Variants in PKD2 observed in about 807,000 individuals in gnomAD.
PKD2 encodes polycystin-2.
In PKD2, 48 loss-of-function variants were observed where a neutral mutation model predicts 105.9. The observed-to-expected ratio is 0.45, with a 90% CI of 0.36 to 0.58. PKD2 has a LOEUF of 0.58. Ranked by LOEUF, PKD2 falls within the 20% of genes least tolerant of loss-of-function variation. The pLI, the probability that PKD2 is intolerant of heterozygous loss-of-function variation, is 0.00. For missense variants in PKD2, 1,078 were observed against 1,255.3 expected (o/e 0.86, Z 2.13); for synonymous variants, 464 against 481.1 (o/e 0.96, Z 0.46).
intron 10 of PKD2, among the ~76,000 whole-genome samples, chr4:88,064,063 G>A (rs371965245): frequency 6.6e-6 from 1 of 152,202 alleles, no homozygotes; most frequent in Admixed American, 6.5e-5. Flanking sequence ...GCTGAGGCAC[G>A]AGAATTGCTT....
intron 2 of PKD2, among the ~76,000 whole-genome samples, chr4:88,025,775 T>C (rs1726938581): frequency 1.3e-5 from 2 of 152,156 alleles, no homozygotes; most frequent in Admixed American, 6.5e-5. Flanking sequence ...ATGGGGATGG[T>C]TTCCCCTCTG....
intron 1 of PKD2, among the ~76,000 whole-genome samples, chr4:88,016,040 T>G (rs1328130136): frequency 6.6e-6 from 1 of 152,186 alleles, no homozygotes; most frequent in Non-Finnish European, 1.5e-5. Flanking sequence ...GCAGGCAATC[T>G]AGATTCTTCA....
chr4:88,008,299 G>C lies in PKD2; in HGVS notation c.566G>C (p.Trp189Ser), dbSNP rs1403371346. 4 of 1,511,794 alleles carry C rather than the reference G, an allele frequency of 2.6e-6. No individual in the cohort carries two copies. The highest frequency in any genetic ancestry group is 3.5e-6 in the Non-Finnish European group (4 of 1,136,462). 93.6% of individuals were successfully genotyped at this position (1,511,794 alleles called of 1,614,324 possible). Reference sequence around the variant, plus strand: ...GAAGGGCAGCCGCCCCGAGTGGCCTGGGCGGAGAGGCTGGTTCGCGGGCTG... The same window carrying C: ...GAAGGGCAGCCGCCCCGAGTGGCCTCGGCGGAGAGGCTGGTTCGCGGGCTG... ...PLEGQPPRVAWAERLVRGLRG... is the reference protein window; with the variant it reads ...PLEGQPPRVASAERLVRGLRG... The change falls in exon 1 of 15, where the codon TGG (tryptophan) becomes TCG (serine). Residue 189 changes from tryptophan (W) to serine (S), a missense_variant. Trp to Ser is a radical substitution (Grantham distance 177, BLOSUM62 -3). This residue lies in a region of PKD2 where 868 missense variants were observed against 1,067.3 expected (regional missense o/e 0.81). Transcript: ENST00000237596.
chr4:88,017,862 T>TAAC (rs1726613407), intron 1 of PKD2, among the ~76,000 whole-genome samples: 1 of 152,194 alleles, frequency 6.6e-6, no homozygotes, highest in Admixed American at 6.5e-5. Flanking sequence ...TGAGACAGGG[T>TAAC]AACAGTCTTC....
At chr4:88,033,491 T>C (rs1048153295) in intron 2 of PKD2, among the ~76,000 whole-genome samples, 13 of 152,014 alleles carry the variant, frequency 8.6e-5, no homozygotes, top group Admixed American at 7.9e-4. Context: ...TTTACCTGTC[T>C]GTCCAGCAGA....
chr4:88,050,877 C>G (rs1447828207), intron 6 of PKD2, among the ~76,000 whole-genome samples: 1 of 152,158 alleles, frequency 6.6e-6, no homozygotes, highest in Admixed American at 6.5e-5. Context: ...AGCAACCAAG[C>G]TGGTCTTTGC....
At chr4:88,065,623 C>G in intron 11 of PKD2, 128 bp downstream of exon 11, 1 of 1,162,338 alleles carries the variant, frequency 8.6e-7, no homozygotes, top group Non-Finnish European at 1.3e-6. Context: ...AGGCAGGTAT[C>G]TTTCTGGAAC....
At chr4:88,047,510 A>G (rs1179924985) in intron 6 of PKD2, among the ~76,000 whole-genome samples, 1 of 152,226 alleles carries the variant, frequency 6.6e-6, no homozygotes, top group Non-Finnish European at 1.5e-5. Context: ...GCAGTGAGCT[A>G]TAAATGCACC....
chr4:88,023,112 A>AAAAT (rs964551222), intron 2 of PKD2, among the ~76,000 whole-genome samples: 3 of 152,044 alleles, frequency 2.0e-5, no homozygotes, highest in Non-Finnish European at 2.9e-5. Flanking sequence ...ATAAATAAAT[A>AAAAT]AAATAAATAA....
At chr4:88,055,377 C>T (rs988294677) in intron 7 of PKD2, among the ~76,000 whole-genome samples, 1 of 151,868 alleles carries the variant, frequency 6.6e-6, no homozygotes, top group Non-Finnish European at 1.5e-5. Context: ...TACTTTAATC[C>T]TTTTTGGGGG....
chr4:88,043,217 T>C lies in PKD2; in HGVS notation c.1095-16T>C. 1 of 1,507,028 alleles carries C rather than the reference T, an allele frequency of 6.6e-7. No homozygotes were observed. Among genetic ancestry groups the C allele is most frequent in the Middle Eastern group, 1.7e-4 (1 of 5,814 alleles). 93.4% of individuals were successfully genotyped at this position (1,507,028 alleles called of 1,614,324 possible). A position where few individuals can be genotyped will look rare whatever the true frequency, so the allele number is the denominator to read the frequency against. On this transcript the variant is annotated splice_polypyrimidine_tract_variant and intron_variant, in intron 4 of 14. Coordinates refer to ENST00000237596, the MANE Select transcript of PKD2 (RefSeq NM_000297.4). Reference sequence around the variant, plus strand: ...CTGATTGTAACTGTTTGTTTTTTGGTTTTGTTTTTAATCAGTTGGATCTAC... The same window carrying C: ...CTGATTGTAACTGTTTGTTTTTTGGCTTTGTTTTTAATCAGTTGGATCTAC...
At position 88,038,368 on chromosome 4, in the gene PKD2, A is replaced by G. The variant is rs778569884; in HGVS notation, c.961A>G (p.Ile321Val). 5.1e-5 allele frequency: 82 copies of G among 1,614,014 alleles called. No homozygotes were observed. The highest frequency in any genetic ancestry group is 6.6e-5 in the Non-Finnish European group (78 of 1,180,004). ...YENLLLGVPR[I>V]RQLRVRNGSC... The stretch of plus-strand genomic sequence containing the variant: ...GAACCTGCTGTTAGGGGTTCCACGA[A>G]TACGGCAACTCCGAGTCAGAAATGG... The change falls in exon 4 of 15, where the codon ATA becomes GTA. Residue 321 changes from isoleucine to valine, a missense_variant. By Grantham distance (29) the Ile-to-Val change is conservative. Coordinates refer to ENST00000237596, the MANE Select transcript of PKD2 (RefSeq NM_000297.4).
chr4:88,058,036 A>C lies in PKD2; in HGVS notation c.1952A>C (p.Glu651Ala). 6.4e-7 allele frequency: 1 copy of C among 1,568,066 alleles called. No homozygotes were observed. The highest frequency in any genetic ancestry group is 2.2e-5 in the East Asian group (1 of 44,594). The change falls in exon 9 of 15, where the codon GAA becomes GCA. Residue 651 changes from glutamate to alanine, a missense_variant. Glu to Ala is a moderately radical substitution (Grantham distance 107, BLOSUM62 -1). Transcript: ENST00000237596. ...LGDINFAEIE[E>A]ANRVLGPIYF... ...GATATCAACTTTGCAGAGATTGAGG[A>C]AGCTAATCGAGTTTTGGGACCAATT...
chr4:88,057,471 C>T (rs1286090658), intron 8 of PKD2, among the ~76,000 whole-genome samples: 4 of 147,334 alleles, frequency 2.7e-5, no homozygotes, highest in Non-Finnish European at 6.0e-5. Flanking sequence ...AGTCTCGTTC[C>T]ATCGCCCAAG....
At chr4:88,041,938 C>T (rs1269370433) in intron 4 of PKD2, among the ~76,000 whole-genome samples, 2 of 152,194 alleles carry the variant, frequency 1.3e-5, no homozygotes, top group East Asian at 1.9e-4. Flanking sequence ...CCAGTCTTCC[C>T]TGCTGCCACC....
In PKD2 at chr4:88,052,158, G is replaced by A; in HGVS notation, c.1716G>A (p.Lys572=). 6.4e-7 allele frequency: 1 copy of A among 1,555,246 alleles called. No homozygotes were observed. Among genetic ancestry groups the A allele is most frequent in the Non-Finnish European group, 8.9e-7 (1 of 1,128,026 alleles). The part of the protein sequence containing the change: ...AAVTVFFVWI[K]LFKFINFNRT... ...TCACAGTATTTTTTGTCTGGATTAA[G>A]GTAATTTATAAATTTCATGTTCTAC... The change falls in exon 7 of 15, where the codon AAG becomes AAA. Residue 572 remains lysine, a splice_region_variant and synonymous_variant. Transcript: ENST00000237596.
chr4:88,026,744 T>C (rs1726970155), intron 2 of PKD2, among the ~76,000 whole-genome samples: 2 of 152,166 alleles, frequency 1.3e-5, no homozygotes. Context: ...GGAAAAATGG[T>C]GTGAGCCAGG....
chr4:88,023,906 A>G (rs1180376904), intron 2 of PKD2, among the ~76,000 whole-genome samples: 1 of 152,182 alleles, frequency 6.6e-6, no homozygotes, highest in Non-Finnish European at 1.5e-5. Context: ...TTTCCATCTT[A>G]CCAATGAGGT....
chr4:88,036,064 G>C, intron 2 of PKD2, 156 bp from the exon 3 acceptor site: 1 of 1,054,974 alleles, frequency 9.5e-7, no homozygotes, highest in Admixed American at 1.7e-5. Context: ...TACCCTAGAA[G>C]AATGATAGGG....
Sources: allele counts gnomAD v4.1 joint callset (sites outside exome capture counted in the v4.1 genomes callset), GRCh38; gene constraint gnomAD v4.1.1; regional missense constraint gnomAD v4.1.1; transcripts MANE v1.5; gene names NCBI Gene and HGNC (gene_info 2026-07-23, HGNC 2026-07-21).